CACNA2D3: variants seen among roughly 807,000 people sequenced by gnomAD.
The protein encoded by CACNA2D3 is voltage-dependent calcium channel subunit alpha-2/delta-3.
Under a neutral mutation model 160.6 loss-of-function variants are expected in CACNA2D3, and 60 were observed. The observed-to-expected ratio is 0.37, with a 90% CI of 0.30 to 0.46. The LOEUF (loss-of-function observed/expected upper bound fraction) is 0.46. Ranked by LOEUF, CACNA2D3 falls within the 20% of genes least tolerant of loss-of-function variation. The pLI, the probability that CACNA2D3 is intolerant of heterozygous loss-of-function variation, is 1.00. For missense variants in CACNA2D3, 1,205 were observed against 1,365.0 expected, an observed-to-expected ratio of 0.88 and a Z score of 1.85; for synonymous variants, 558 against 492.9, an observed-to-expected ratio of 1.13 and a Z score of -1.75.
At chr3:54,931,366 G>T (rs1157025921) in intron 27 of CACNA2D3, among the ~76,000 whole-genome samples, 1 of 151,818 alleles carries the variant, frequency 6.6e-6, no homozygotes, top group Non-Finnish European at 1.5e-5. Flanking sequence ...GGATGTGGAG[G>T]CTGATTGATT....
intron 2 of CACNA2D3, among the ~76,000 whole-genome samples, chr3:54,180,612 C>T (rs934825996): frequency 6.6e-6 from 1 of 152,166 alleles, no homozygotes; most frequent in African/African-American, 2.4e-5. Flanking sequence ...AGCCACTGCC[C>T]CCAGCCCCAA....
rs1699724942 is a variant in CACNA2D3, at chr3:54,132,156, TG to T, written c.204+8563del. ...AAACAGCTCAATGGGCATAGGCTTT[TG>T]CCCCACTGACATAATAATAGTCATT... On this transcript the variant is annotated intron_variant, in intron 2 of 37. Transcript: ENST00000474759. Among the ~76,000 whole-genome samples, 3 of 152,378 alleles carry T rather than the reference TG, an allele frequency of 2.0e-5. No individual in the cohort carries two copies. The South Asian group carries it at 6.2e-4, about 32-fold the overall frequency.
intron 3 of CACNA2D3, among the ~76,000 whole-genome samples, chr3:54,324,585 A>G (rs936213154): frequency 6.6e-6 from 1 of 152,086 alleles, no homozygotes; most frequent in African/African-American, 2.4e-5. Flanking sequence ...ACCCACGCAG[A>G]GGCTAGCTAT....
chr3:54,141,013 T>C (rs945488149), intron 2 of CACNA2D3, among the ~76,000 whole-genome samples: 5 of 150,704 alleles, frequency 3.3e-5, no homozygotes, highest in African/African-American at 9.8e-5. Flanking sequence ...CTCTCTGTGG[T>C]GTTGTCTAAA....
chr3:54,705,206 C>A (rs1700837705), intron 11 of CACNA2D3, among the ~76,000 whole-genome samples: 1 of 152,186 alleles, frequency 6.6e-6, no homozygotes, highest in South Asian at 2.1e-4. Context: ...AATTTCAATT[C>A]TTTGGCCTTA....
chr3:54,800,601 C>T (rs1161659650), intron 13 of CACNA2D3, among the ~76,000 whole-genome samples: 1 of 152,176 alleles, frequency 6.6e-6, no homozygotes, highest in Non-Finnish European at 1.5e-5. Flanking sequence ...TCCACTGATA[C>T]TCCTTAGCTA....
rs776298695 is a variant in CACNA2D3, at chr3:54,503,623, C to T, written c.513C>T (p.Asp171=). 16 of 1,613,640 alleles carry T rather than the reference C, an allele frequency of 9.9e-6. No homozygotes were observed. The highest frequency in any genetic ancestry group is 9.3e-5 in the African/African-American group (7 of 74,920). ...NNLPVNISLS[D]VQVPTNMYNK... ...TGCCTGTGAACATCAGTCTAAGTGA[C>T]GTCCAAGTACCAACGAACATGTACA... Residue 171 remains aspartate, a synonymous_variant, in exon 5 of 38, where the codon GAC becomes GAT. Transcript: ENST00000474759.
At chr3:54,641,326 C>T (rs1174936109) in intron 10 of CACNA2D3, among the ~76,000 whole-genome samples, 3 of 152,180 alleles carry the variant, frequency 2.0e-5, no homozygotes, top group African/African-American at 4.8e-5. Flanking sequence ...TTCTGACTGG[C>T]AGTTGGTTGA....
At chr3:54,969,041 T>G (rs985025753) in intron 28 of CACNA2D3, among the ~76,000 whole-genome samples, 8 of 152,178 alleles carry the variant, frequency 5.3e-5, no homozygotes, top group African/African-American at 1.9e-4. Flanking sequence ...GGGCCACTGA[T>G]AAGTTGCTTC....
intron 27 of CACNA2D3, among the ~76,000 whole-genome samples, chr3:54,955,482 C>G (rs1038977438): frequency 1.1e-4 from 16 of 152,134 alleles, no homozygotes; most frequent in African/African-American, 3.9e-4. Context: ...AAAAAGCTCT[C>G]TTGGTCAGAT....
chr3:54,217,531 A>G (rs1451433729), intron 2 of CACNA2D3, among the ~76,000 whole-genome samples: 1 of 152,168 alleles, frequency 6.6e-6, no homozygotes, highest in Non-Finnish European at 1.5e-5. Flanking sequence ...ATGGGCCCTA[A>G]ATGCTCTCAC....
chr3:54,335,845 TAAC>T (rs2107521791), intron 3 of CACNA2D3, among the ~76,000 whole-genome samples: 1 of 150,532 alleles, frequency 6.6e-6, no homozygotes, highest in East Asian at 2.0e-4. Flanking sequence ...TCTACTAAAA[TAAC>T]AAAAAATTAA....
At chr3:54,285,309 C>T (rs112402199) in intron 2 of CACNA2D3, among the ~76,000 whole-genome samples, 38 of 152,290 alleles carry the variant, frequency 2.5e-4, no homozygotes, top group African/African-American at 6.5e-4. Context: ...GAGGGTCCTA[C>T]GCCCACGAAG....
At chr3:54,798,211 A>G (rs946495797) in intron 13 of CACNA2D3, among the ~76,000 whole-genome samples, 3 of 152,260 alleles carry the variant, frequency 2.0e-5, no homozygotes, top group East Asian at 1.9e-4. Context: ...TTTTACCCCA[A>G]TGTCTTTACA....
At position 54,987,691 on chromosome 3, in the gene CACNA2D3, CT is replaced by C. The variant is rs912442024; in HGVS notation, c.2634del (p.Phe878LeufsTer8). ...TGTCTTCTTCCCCATAGACTGGAGA[CT>C]TTTTTGGTGAGATCGAGGGAGCTGT... ...VSEDYTQTGD[F>X]FGEIEGAVMN... On this transcript the variant is annotated frameshift_variant, in exon 31 of 38. Transcript: ENST00000474759. LOFTEE classifies it high-confidence loss of function. 12 of 1,606,242 alleles carry C rather than the reference CT, an allele frequency of 7.5e-6. No individual in the cohort carries two copies. The highest frequency in any genetic ancestry group is 1.0e-5 in the Non-Finnish European group (12 of 1,177,240).
In CACNA2D3 at chr3:54,347,111, C is replaced by A. The variant is rs1189858036; in HGVS notation, c.321+26553C>A. On this transcript the variant is annotated intron_variant, in intron 3 of 37. Transcript: ENST00000474759. ...GGGACACATTGCAATGTTGATGGAG[C>A]CTTGACCACAGACAGCACTGTGCTG... Among the ~76,000 whole-genome samples, 121 of 152,278 alleles carry A rather than the reference C, an allele frequency of 7.9e-4. 1 individual carries two copies. Among genetic ancestry groups the A allele is most frequent in the Non-Finnish European group, 1.5e-5 (1 of 68,030 alleles).
At chr3:54,971,980 T>C (rs1291948339) in intron 29 of CACNA2D3, among the ~76,000 whole-genome samples, 2 of 151,582 alleles carry the variant, frequency 1.3e-5, no homozygotes, top group Non-Finnish European at 2.9e-5. Context: ...ATGATAAGCA[T>C]TCAATAAATG....
intron 17 of CACNA2D3, among the ~76,000 whole-genome samples, chr3:54,867,498 C>G (rs2703030): frequency 0.64 from 95,291 of 148,374 alleles, 31,183 homozygotes; most frequent in East Asian, 0.87. Flanking sequence ...ATTCTGTTGA[C>G]TACTCAATGC....
chr3:54,549,218 G>T (rs1443358317), intron 5 of CACNA2D3, among the ~76,000 whole-genome samples: 5 of 152,090 alleles, frequency 3.3e-5, no homozygotes, highest in Non-Finnish European at 5.9e-5. Flanking sequence ...AGACCGAGGC[G>T]GGCGGATCAC....
Sources: allele counts gnomAD v4.1 joint callset (sites outside exome capture counted in the v4.1 genomes callset), GRCh38; gene constraint gnomAD v4.1.1; transcripts MANE v1.5; gene names NCBI Gene and HGNC (gene_info 2026-07-23, HGNC 2026-07-21).